ASXL3: variants seen among roughly 807,000 people sequenced by gnomAD.
ASXL3 encodes ASXL transcriptional regulator 3.
Under a neutral mutation model 170.6 loss-of-function variants are expected in ASXL3, and 34 were observed. The ratio of observed to expected loss-of-function variants is 0.20; its 90% CI spans 0.15 to 0.27. The LOEUF (loss-of-function observed/expected upper bound fraction) is 0.27. Among genes scored for constraint, ASXL3 ranks in the 10% least tolerant of loss-of-function variants. The probability of loss-of-function intolerance (pLI) is 1.00; values close to 1 mark genes in which losing one functional copy is unlikely to be tolerated. For synonymous variants in ASXL3, 1,002 were observed against 989.1 expected, an observed-to-expected ratio of 1.01 and a Z score of -0.24; for missense variants, 2,592 against 2,695.3, an observed-to-expected ratio of 0.96 and a Z score of 0.85.
intron 7 of ASXL3, among the ~76,000 whole-genome samples, chr18:33,675,695 A>G (rs904036907): frequency 6.6e-6 from 1 of 152,082 alleles, no homozygotes; most frequent in Non-Finnish European, 1.5e-5. Flanking sequence ...CACCCTGTGC[A>G]AGGCCTGAGT....
chr18:33,723,774 A>G (rs1056667933), intron 8 of ASXL3, among the ~76,000 whole-genome samples: 1 of 152,140 alleles, frequency 6.6e-6, no homozygotes, highest in South Asian at 2.1e-4. Flanking sequence ...TTTTTGGGAA[A>G]GGAAGAGTCA....
chr18:33,594,408 C>G (rs16964786), intron 1 of ASXL3, among the ~76,000 whole-genome samples: 19,862 of 152,134 alleles, frequency 0.13, 1,429 homozygotes, highest in African/African-American at 0.18. Context: ...GTAAGCAGAA[C>G]TCAGCTTGTA....
chr18:33,703,603 C>G (rs2066913581), intron 8 of ASXL3, among the ~76,000 whole-genome samples: 1 of 152,068 alleles, frequency 6.6e-6, no homozygotes, highest in Non-Finnish European at 1.5e-5. Context: ...CTCTGCCTCT[C>G]CCATTGAATT....
chr18:33,612,168 T>C (rs1408586991), intron 2 of ASXL3, among the ~76,000 whole-genome samples: 1 of 149,754 alleles, frequency 6.7e-6, no homozygotes, highest in Non-Finnish European at 1.5e-5. Flanking sequence ...GAGGGTGAAG[T>C]GGTCATAAAA....
Position 33,683,715 on chromosome 18 carries a change from A to T in ASXL3, c.879+147A>T. ...TTTATTGCTGTCATTAGCTTATTTA[A>T]TCCTCTAAAACAGAACCATTTTTAT... On this transcript the variant is annotated intron_variant, in intron 8 of 11. Transcript: ENST00000269197. The T allele has an allele frequency of 4.5e-6, 4 of 883,002 alleles. No homozygotes were observed. In the South Asian group the frequency reaches 8.9e-5, roughly 20 times the overall value. The allele number at this position is 883,002 out of a possible 1,614,324, so 54.7% of individuals were successfully genotyped here. A position where few individuals can be genotyped will look rare whatever the true frequency, so the allele number is the denominator to read the frequency against.
intron 5 of ASXL3, among the ~76,000 whole-genome samples, chr18:33,666,687 T>A (rs1030369486): frequency 3.9e-5 from 6 of 152,174 alleles, no homozygotes; most frequent in African/African-American, 1.4e-4. Flanking sequence ...GCAGACAGTA[T>A]GATACCAGTA....
intron 2 of ASXL3, among the ~76,000 whole-genome samples, chr18:33,623,054 C>A (rs1022966755): frequency 1.3e-5 from 2 of 152,094 alleles, no homozygotes; most frequent in Non-Finnish European, 2.9e-5. Flanking sequence ...TATTTTAGGT[C>A]TCTCTGACAA....
intron 4 of ASXL3, among the ~76,000 whole-genome samples, chr18:33,651,762 CA>C (rs1488775249): frequency 6.6e-6 from 1 of 152,078 alleles, no homozygotes; most frequent in Non-Finnish European, 1.5e-5. Flanking sequence ...CAGTCATTAA[CA>C]CTTGAGTCCT....
chr18:33,578,715 G>A, intron 1 of ASXL3, 30 bp downstream of exon 1: 1 of 1,185,142 alleles, frequency 8.4e-7, no homozygotes, highest in Non-Finnish European at 1.1e-6. Flanking sequence ...CGCCGCCCGC[G>A]CCTCCCGCCG....
rs2067642912 is a variant in ASXL3, at chr18:33,740,407, G to T, written c.3003G>T (p.Gln1001His). Residue 1001 changes from glutamine to histidine, a missense_variant, in exon 11 of 12, where the codon CAG (glutamine) becomes CAT (histidine). Around this residue, in one of 4 missense-constraint regions of ASXL3, gnomAD observed 2,246 missense variants for 2,219.6 expected, o/e 1.01. Coordinates refer to ENST00000269197, the MANE Select transcript of ASXL3 (RefSeq NM_030632.3). The stretch of plus-strand genomic sequence containing the variant: ...CTAGCAGCCCACCTGAGAAAGAACA[G>T]CCTCCCAGAGAGGAACCAAGGGTTC... ...ISSSSPPEKE[Q>H]PPREEPRVPP... 1.3e-6 allele frequency: 2 copies of T among 1,597,040 alleles called. No homozygotes were observed. Among genetic ancestry groups the T allele is most frequent in the Non-Finnish European group, 1.7e-6 (2 of 1,174,292 alleles).
At chr18:33,742,343 G>A (rs1038182256) in intron 11 of ASXL3, among the ~76,000 whole-genome samples, 1 of 152,136 alleles carries the variant, frequency 6.6e-6, no homozygotes, top group Non-Finnish European at 1.5e-5. Context: ...AGAGTTCTTG[G>A]CTCAGAGAGA....
chr18:33,626,675 C>T (rs1276181163), intron 2 of ASXL3: 1 of 152,002 alleles, frequency 6.6e-6, no homozygotes, highest in African/African-American at 2.4e-5. Context: ...CAGGCAGCAC[C>T]AGGTCTTCAT....
intron 4 of ASXL3, among the ~76,000 whole-genome samples, chr18:33,657,992 C>T (rs1440993374): frequency 6.6e-6 from 1 of 152,076 alleles, no homozygotes; most frequent in East Asian, 1.9e-4. Context: ...AAGGTCCTGG[C>T]ATTAGTTTTG....
At chr18:33,615,975 G>T (rs1480087175) in intron 2 of ASXL3, among the ~76,000 whole-genome samples, 2 of 151,744 alleles carry the variant, frequency 1.3e-5, no homozygotes, top group Non-Finnish European at 2.9e-5. Flanking sequence ...AATTAGTTTT[G>T]AGTTAAATGG....
chr18:33,711,360 G>A (rs2067060112), intron 8 of ASXL3, among the ~76,000 whole-genome samples: 1 of 152,086 alleles, frequency 6.6e-6, no homozygotes, highest in Admixed American at 6.6e-5. Flanking sequence ...ATGCCTTAAA[G>A]TTGCTTTAAA....
chr18:33,595,549 A>G (rs2065118557), intron 1 of ASXL3, among the ~76,000 whole-genome samples: 2 of 152,302 alleles, frequency 1.3e-5, no homozygotes, highest in South Asian at 4.1e-4. Context: ...AGTTTATTGG[A>G]AGACTCATAA....
intron 7 of ASXL3, among the ~76,000 whole-genome samples, chr18:33,673,681 G>A (rs781250353): frequency 6.6e-5 from 10 of 152,040 alleles, no homozygotes; most frequent in Non-Finnish European, 1.3e-4. Context: ...CTTGTATTCT[G>A]ATTTTTGTAC....
intron 8 of ASXL3, among the ~76,000 whole-genome samples, chr18:33,710,950 CA>C (rs1177989663): frequency 2.0e-5 from 3 of 152,080 alleles, no homozygotes; most frequent in Non-Finnish European, 4.4e-5. Context: ...AATTTGCATA[CA>C]AAATGCTGTT....
At chr18:33,662,914 T>C (rs1327401252) in intron 5 of ASXL3, among the ~76,000 whole-genome samples, 3 of 152,216 alleles carry the variant, frequency 2.0e-5, no homozygotes, top group African/African-American at 7.2e-5. Flanking sequence ...TATCTTCTCC[T>C]GTACCTCAGA....
Sources: allele counts gnomAD v4.1 joint callset (sites outside exome capture counted in the v4.1 genomes callset), GRCh38; gene constraint gnomAD v4.1.1; regional missense constraint gnomAD v4.1.1; transcripts MANE v1.5; gene names NCBI Gene and HGNC (gene_info 2026-07-23, HGNC 2026-07-21).